TRMT11: variants seen among roughly 807,000 people sequenced by gnomAD.
TRMT11 encodes the protein tRNA (guanine(10)-N(2))-methyltransferase TRMT11.
A neutral mutation model predicts 62.8 loss-of-function variants in TRMT11; 53 were observed. The ratio of observed to expected loss-of-function variants is 0.84; its 90% confidence interval spans 0.68 to 1.06. TRMT11 has a LOEUF of 1.06. Ranked by LOEUF, TRMT11 falls within the 50% of genes least tolerant of loss-of-function variation. The pLI is 0.00. For synonymous variants in TRMT11, 188 were observed against 190.3 expected (o/e 0.99, Z 0.10); for missense variants, 556 against 553.4 (o/e 1.00, Z -0.05).
the TRMT11 span, among the ~76,000 whole-genome samples, chr6:126,232,526 T>C: frequency 6.6e-6 from 1 of 152,204 alleles, no homozygotes; most frequent in Admixed American, 6.6e-5. Flanking sequence ...TTTTAATGTA[T>C]TTGAAGAACA....
intron 17 of TRMT11, among the ~76,000 whole-genome samples, chr6:126,101,425 A>G (rs1024860404): frequency 5.3e-5 from 8 of 152,180 alleles, no homozygotes; most frequent in African/African-American, 1.9e-4. Context: ...AATCACAACT[A>G]CCCAATGCAG....
intron 1 of TRMT11, among the ~76,000 whole-genome samples, chr6:126,189,421 C>T (rs1374844749): frequency 6.6e-6 from 1 of 152,136 alleles, no homozygotes; most frequent in Non-Finnish European, 1.5e-5. Flanking sequence ...GGGGTACTAT[C>T]TCTTTCTAAT....
At chr6:126,125,604 C>T (rs763940543) in intron 21 of TRMT11, among the ~76,000 whole-genome samples, 1 of 152,062 alleles carries the variant, frequency 6.6e-6, no homozygotes, top group African/African-American at 2.4e-5. Flanking sequence ...GTGGGAAACA[C>T]AACAGACATG....
chr6:126,033,431 T>G (rs914444321), intron 12 of TRMT11, among the ~76,000 whole-genome samples: 3 of 152,154 alleles, frequency 2.0e-5, no homozygotes, highest in African/African-American at 7.2e-5. Flanking sequence ...TAATGCTGTA[T>G]TTTTGATATA....
intron 21 of TRMT11, among the ~76,000 whole-genome samples, chr6:126,169,112 C>G (rs1020975738): frequency 6.6e-6 from 1 of 152,206 alleles, no homozygotes; most frequent in Non-Finnish European, 1.5e-5. Flanking sequence ...TGTGGTAGCA[C>G]TGAGTCTGCA....
chr6:126,151,948 C>CTTT (rs1778061868), intron 21 of TRMT11, among the ~76,000 whole-genome samples: 1 of 71,410 alleles, frequency 1.4e-5, no homozygotes, highest in Non-Finnish European at 2.9e-5. Context: ...TCTTTCTTTT[C>CTTT]TTTCTTTCTT....
At chr6:126,226,637 A>G in the TRMT11 span, among the ~76,000 whole-genome samples, 1,929 of 152,356 alleles carry the variant, frequency 0.013, 30 homozygotes, top group African/African-American at 0.042. Flanking sequence ...CTCTGAAACT[A>G]CAGATAGAAA....
At chr6:126,093,610 TATATA>T (rs1777302484) in intron 17 of TRMT11, among the ~76,000 whole-genome samples, 1 of 95,320 alleles carries the variant, frequency 1.0e-5, no homozygotes, top group African/African-American at 5.8e-5. Flanking sequence ...TATATATATA[TATATA>T]TATATATATA....
chr6:126,204,017 C>T (rs554058290), downstream of TRMT11, among the ~76,000 whole-genome samples: 13 of 151,386 alleles, frequency 8.6e-5, no homozygotes, highest in South Asian at 2.3e-3. Flanking sequence ...TAAGAACAAC[C>T]AACTAACCAG....
At chr6:126,167,792 C>T (rs1196608340) in intron 21 of TRMT11, among the ~76,000 whole-genome samples, 1 of 152,158 alleles carries the variant, frequency 6.6e-6, no homozygotes, top group African/African-American at 2.4e-5. Flanking sequence ...GCTCAACAGA[C>T]CAGCCTTCTT....
the TRMT11 span, among the ~76,000 whole-genome samples, chr6:126,243,195 C>T: frequency 2.7e-3 from 411 of 152,342 alleles, 4 homozygotes; most frequent in African/African-American, 9.3e-3. Flanking sequence ...TGCTCATCAT[C>T]ACTGGCCATC....
intron 21 of TRMT11, among the ~76,000 whole-genome samples, chr6:126,167,298 A>G (rs975791278): frequency 1.6e-4 from 24 of 152,194 alleles, no homozygotes; most frequent in Non-Finnish European, 2.5e-4. Flanking sequence ...TGGGAAAAGC[A>G]TAGTGTCTGG....
At chr6:126,234,233 C>G in the TRMT11 span, among the ~76,000 whole-genome samples, 1 of 151,904 alleles carries the variant, frequency 6.6e-6, no homozygotes, top group Non-Finnish European at 1.5e-5. Flanking sequence ...TGTGGGAGGC[C>G]CTAGTTGAAA....
intron 21 of TRMT11, among the ~76,000 whole-genome samples, chr6:126,131,108 TTGTC>T (rs1395677428): frequency 1.3e-5 from 2 of 152,058 alleles, no homozygotes; most frequent in Admixed American, 6.6e-5. Context: ...GAAAACTACT[TTGTC>T]TGTGGAAAAA....
chr6:126,047,154 G>T (rs1177603158), intron 16 of TRMT11, among the ~76,000 whole-genome samples: 2 of 151,880 alleles, frequency 1.3e-5, no homozygotes, highest in African/African-American at 4.8e-5. Context: ...GGAAATACTG[G>T]GTAGAAGAGG....
the TRMT11 span, among the ~76,000 whole-genome samples, chr6:126,240,434 A>G: frequency 6.6e-6 from 1 of 152,076 alleles, no homozygotes; most frequent in Admixed American, 6.5e-5. Context: ...AACAGTCAGG[A>G]CCCTCAGCTG....
intron 21 of TRMT11, among the ~76,000 whole-genome samples, chr6:126,152,871 A>G (rs1037653307): frequency 5.3e-5 from 8 of 152,208 alleles, no homozygotes; most frequent in Admixed American, 4.6e-4. Context: ...TCCTGAAGAC[A>G]GGGTAGGAAT....
At chr6:126,252,829 A>G in the TRMT11 span, among the ~76,000 whole-genome samples, 3 of 152,344 alleles carry the variant, frequency 2.0e-5, no homozygotes, top group Middle Eastern at 3.4e-3. Flanking sequence ...CGGAATAACG[A>G]AAGTATTGTA....
chr6:126,012,875 G>T, intron 10 of TRMT11, 23 bp downstream of exon 10: 1 of 1,609,576 alleles, frequency 6.2e-7, no homozygotes, highest in Non-Finnish European at 8.5e-7. Flanking sequence ...TAAATATGAT[G>T]TGTTACTACC....
Sources: allele counts gnomAD v4.1 joint callset (sites outside exome capture counted in the v4.1 genomes callset), GRCh38; gene constraint gnomAD v4.1.1; transcripts MANE v1.5; gene names NCBI Gene and HGNC (gene_info 2026-07-23, HGNC 2026-07-21).